The following SPATA32 variants were observed in gnomAD, a reference collection of about 807,000 sequenced individuals.
SPATA32 encodes the protein spermatogenesis associated 32, also known as spermatogenesis-associated protein 32.
A neutral mutation model predicts 35.4 loss-of-function variants in SPATA32; 28 were observed. The ratio of observed to expected loss-of-function variants is 0.79; its 90% CI spans 0.59 to 1.09. The LOEUF is 1.09. Among genes scored for constraint, SPATA32 ranks in the 50% least tolerant of loss-of-function variants. SPATA32 has a pLI of 0.00. For missense variants in SPATA32, 409 were observed against 475.9 expected, an observed-to-expected ratio of 0.86 and a Z score of 1.31; for synonymous variants, 168 against 196.3, an observed-to-expected ratio of 0.86 and a Z score of 1.20.
At position 45,256,332 on chromosome 17, in the gene SPATA32, C is replaced by T. The variant is rs60043385; in HGVS notation, c.108+44G>A. The T allele has an allele frequency of 3.3e-4, 534 of 1,595,788 alleles. No homozygotes were observed. The highest frequency in any genetic ancestry group is 1.8e-3 in the African/African-American group (131 of 74,696). ...GTGGGGACTTAGGGAAGAGCCCTGCCGCTTGCCTACCACCTCCCCGTAAGA... is the reference window on the plus strand; with the variant it reads ...GTGGGGACTTAGGGAAGAGCCCTGCTGCTTGCCTACCACCTCCCCGTAAGA... On this transcript the variant is annotated intron_variant, in intron 3 of 4. Coordinates refer to ENST00000331780, the MANE Select transcript of SPATA32 (RefSeq NM_152343.3). The surrounding 1 kb of genome is among the most constrained non-coding windows in gnomAD (Gnocchi z 4.7).
rs768583152 is a variant in SPATA32 at position 45,255,339 on chromosome 17, C to A, written c.843G>T (p.Leu281=). 6.2e-7 allele frequency: 1 copy of A among 1,614,074 alleles called. No homozygotes were observed. Among genetic ancestry groups the A allele is most frequent in the African/African-American group, 1.3e-5 (1 of 74,930 alleles). Reference sequence around the variant, plus strand: ...CTGGCTCTCGCTCCTCCACAGTGGTCAGGAGGGGCTCTGTGGAAGGCTCCA... The same window carrying A: ...CTGGCTCTCGCTCCTCCACAGTGGTAAGGAGGGGCTCTGTGGAAGGCTCCA... The part of the protein sequence containing the change: ...EALEPSTEPL[L]TTVEEREPEN... Residue 281 remains leucine (L), a synonymous_variant, in exon 4 of 5, where the codon CTG becomes CTT. Transcript: ENST00000331780. This position sits in a 1 kb window ranked among gnomAD's most constrained non-coding sequence, Gnocchi z 5.4.
Position 45,256,243 on chromosome 17 carries a change from T to A in SPATA32, c.108+133A>T, listed in dbSNP as rs987447491. 5 of 1,175,096 alleles carry A rather than the reference T, an allele frequency of 4.3e-6. No individual in the cohort carries two copies. The highest frequency in any genetic ancestry group is 6.3e-6 in the Non-Finnish European group (5 of 791,718). 72.8% of individuals were successfully genotyped at this position (1,175,096 alleles called of 1,614,324 possible). ...CAGAGACCTGCCCGGTGAGGGGGTGTGTGTGTGGGTGTACCCACACCGGCC... is the reference window on the plus strand; with the variant it reads ...CAGAGACCTGCCCGGTGAGGGGGTGAGTGTGTGGGTGTACCCACACCGGCC... On this transcript the variant is annotated intron_variant, in intron 3 of 4. Transcript: ENST00000331780. This position sits in a 1 kb window ranked among gnomAD's most constrained non-coding sequence, Gnocchi z 4.7.
chr17:45,260,294 G>A (rs775238968), intron 1 of SPATA32, among the ~76,000 whole-genome samples: 99 of 151,974 alleles, frequency 6.5e-4, no homozygotes, highest in Middle Eastern at 3.2e-3. Flanking sequence ...TGGCTGCCAC[G>A]GTTCTGCCTG....
intron 1 of SPATA32, among the ~76,000 whole-genome samples, chr17:45,261,460 G>A (rs1202502031): frequency 1.3e-5 from 2 of 152,188 alleles, no homozygotes; most frequent in African/African-American, 4.8e-5. Flanking sequence ...CACCATTTCA[G>A]TGGGGGATCT....
At chr17:45,259,472 AATGTT>A (rs1265245818) in intron 1 of SPATA32, among the ~76,000 whole-genome samples, 26 of 152,174 alleles carry the variant, frequency 1.7e-4, no homozygotes, top group Non-Finnish European at 3.2e-4. Context: ...ACATATGAGT[AATGTT>A]ATATTATTTG....
At position 45,255,658 on chromosome 17, in the gene SPATA32, A is replaced by C; in HGVS notation, c.524T>G (p.Ile175Ser). The change falls in exon 4 of 5, where the codon ATC becomes AGC. Residue 175 changes from isoleucine to serine, a missense_variant. Coordinates refer to ENST00000331780, the MANE Select transcript of SPATA32 (RefSeq NM_152343.3). The surrounding 1 kb of genome is among the most constrained non-coding windows in gnomAD (Gnocchi z 5.4). ...QASEHSLQRA[I>S]NMQLNNGSAG... The stretch of plus-strand genomic sequence containing the variant: ...GCTGCCATTGTTGAGCTGCATGTTG[A>C]TGGCCCGCTGCAGGCTGTGCTCTGA... 6.2e-7 allele frequency: 1 copy of C among 1,613,966 alleles called. No homozygotes were observed. The highest frequency in any genetic ancestry group is 8.5e-7 in the Non-Finnish European group (1 of 1,180,028).
rs35684759 is a variant in SPATA32, at chr17:45,256,480, T to TG, written c.69-66dup. ...GGGGCTTCAGCGGGAAGGGGGTTTCTGGGGCCCTCAAAGCCCTCTGCCTTG... is the reference window on the plus strand; with the variant it reads ...GGGGCTTCAGCGGGAAGGGGGTTTCTGGGGGCCCTCAAAGCCCTCTGCCTTG... On this transcript the variant is annotated intron_variant, in intron 2 of 4. Transcript: ENST00000331780. This position sits in a 1 kb window ranked among gnomAD's most constrained non-coding sequence, Gnocchi z 4.7. 6.9e-7 allele frequency: 1 copy of TG among 1,448,856 alleles called. No homozygotes were observed. Among genetic ancestry groups the TG allele is most frequent in the South Asian group, 1.1e-5 (1 of 87,902 alleles). The allele number at this position is 1,448,856 out of a possible 1,614,324, so 89.8% of individuals were successfully genotyped here. A position where few individuals can be genotyped will look rare whatever the true frequency, so the allele number is the denominator to read the frequency against.
rs773309687 is a variant in SPATA32 at position 45,257,195 on chromosome 17, AATCC to A, written c.22_25del (p.Gly8PhefsTer18). ...CACTGACCCTTTGCCGCAGCATGGA[AATCC>A]ATGGGCACCTGACAGGGGAAAGGAG... On this transcript the variant is annotated frameshift_variant, in exon 2 of 5. Coordinates refer to ENST00000331780, the MANE Select transcript of SPATA32 (RefSeq NM_152343.3). LOFTEE classifies it high-confidence loss of function. The A allele has an allele frequency of 6.2e-7, 1 of 1,612,088 alleles. No individual in the cohort carries two copies. Among genetic ancestry groups the A allele is most frequent in the South Asian group, 1.1e-5 (1 of 90,588 alleles).
chr17:45,258,154 G>A (rs137996453), intron 1 of SPATA32, among the ~76,000 whole-genome samples: 163 of 152,248 alleles, frequency 1.1e-3, no homozygotes, highest in Non-Finnish European at 1.7e-3. Flanking sequence ...AATGTACTGC[G>A]GTCTCTTCCT....
chr17:45,261,693 A>C, intron 1 of SPATA32: 1 of 368,760 alleles, frequency 2.7e-6, no homozygotes, highest in Non-Finnish European at 4.8e-6. Context: ...GCACAAGGCC[A>C]TTGCTCCTTC....
Position 45,255,575 on chromosome 17 carries a change from A to G in SPATA32, c.607T>C (p.Ser203Pro), listed in dbSNP as rs1363526487. The change falls in exon 4 of 5, where the codon TCC (serine) becomes CCC (proline). Residue 203 changes from serine to proline, a missense_variant. By Grantham distance (74) the Ser-to-Pro change is moderately conservative. Coordinates refer to ENST00000331780, the MANE Select transcript of SPATA32 (RefSeq NM_152343.3). The surrounding 1 kb of genome is among the most constrained non-coding windows in gnomAD (Gnocchi z 5.4). Reference sequence around the variant, plus strand: ...TCAGGGATCTGGAGCTGCTCCTCGGAGCACAGGGCGTTGGTGGGGATGGCC... The same window carrying G: ...TCAGGGATCTGGAGCTGCTCCTCGGGGCACAGGGCGTTGGTGGGGATGGCC... ...REAIPTNALC[S>P]EEQLQIPDAH... The G allele has an allele frequency of 6.2e-7, 1 of 1,614,086 alleles. No individual in the cohort carries two copies. The highest frequency in any genetic ancestry group is 1.7e-5 in the Admixed American group (1 of 60,020).
At chr17:45,261,737 T>G (rs558422292) in intron 1 of SPATA32, 18 of 392,768 alleles carry the variant, frequency 4.6e-5, no homozygotes, top group African/African-American at 3.1e-4. Flanking sequence ...AACCACTGAC[T>G]CTGCAGTCCC....
Position 45,256,224 on chromosome 17 carries a change from C to T in SPATA32, c.109-151G>A, listed in dbSNP as rs2043955922. On this transcript the variant is annotated intron_variant, in intron 3 of 4. Transcript: ENST00000331780. The surrounding 1 kb of genome is among the most constrained non-coding windows in gnomAD (Gnocchi z 4.7). ...CCCCATGCCTGCCTCCTCTCAGAGA[C>T]CTGCCCGGTGAGGGGGTGTGTGTGT... 2 of 1,215,180 alleles carry T rather than the reference C, an allele frequency of 1.6e-6. No individual in the cohort carries two copies. The highest frequency in any genetic ancestry group is 2.4e-6 in the Non-Finnish European group (2 of 833,616). 75.3% of individuals were successfully genotyped at this position (1,215,180 alleles called of 1,614,324 possible).
chr17:45,261,676 T>G, intron 1 of SPATA32: 12 of 347,306 alleles, frequency 3.5e-5, no homozygotes, highest in Non-Finnish European at 3.6e-5. Context: ...CATGAGTCGT[T>G]TCCTGTGCAC....
chr17:45,255,280 C>T lies in SPATA32; in HGVS notation c.902G>A (p.Arg301His), dbSNP rs144271763. The change falls in exon 4 of 5, where the codon CGC (arginine) becomes CAC (histidine). Residue 301 changes from arginine (R) to histidine (H), a missense_variant. Transcript: ENST00000331780. The surrounding 1 kb of genome is among the most constrained non-coding windows in gnomAD (Gnocchi z 5.4). The part of the protein sequence containing the change: ...NHAETLPEKP[R>H]EARAPLKSWS... ...AGATTTCAGTGGTGCTCTGGCTTCG[C>T]GTGGTTTCTCTGGCAGGGTCTCTGC... The T allele has an allele frequency of 8.1e-6, 13 of 1,614,184 alleles. No individual in the cohort carries two copies. Among genetic ancestry groups the T allele is most frequent in the African/African-American group, 6.7e-5 (5 of 75,046 alleles).
chr17:45,255,779 T>G lies in SPATA32; in HGVS notation c.403A>C (p.Ser135Arg), dbSNP rs202113750. 1.9e-6 allele frequency: 3 copies of G among 1,613,904 alleles called. No homozygotes were observed. Among genetic ancestry groups the G allele is most frequent in the Admixed American group, 3.3e-5 (2 of 59,990 alleles). Residue 135 changes from serine to arginine, a missense_variant, in exon 4 of 5, where the codon AGT (serine) becomes CGT (arginine). Physicochemically the swap from Ser to Arg is moderately radical, Grantham distance 110. Transcript: ENST00000331780. The surrounding 1 kb of genome is among the most constrained non-coding windows in gnomAD (Gnocchi z 5.4). Reference protein sequence around the residue: ...RPWSLNSNCRSFTEENHVSAC... With the variant: ...RPWSLNSNCRRFTEENHVSAC... ...GACACGTGGTTCTCCTCCGTGAAAC[T>G]CCGGCAGTTTGAATTCAGACTCCAC...
chr17:45,261,096 T>G (rs973880452), intron 1 of SPATA32: 1 of 31,298 alleles, frequency 3.2e-5, no homozygotes, highest in Non-Finnish European at 6.2e-5. Flanking sequence ...CGACCTCTGG[T>G]TTTTTTTTTT....
chr17:45,258,438 A>C (rs933666888), intron 1 of SPATA32, among the ~76,000 whole-genome samples: 2 of 152,010 alleles, frequency 1.3e-5, no homozygotes, highest in Non-Finnish European at 2.9e-5. Flanking sequence ...GGGCAGTTTA[A>C]TCAACACCCA....
Position 45,256,377 on chromosome 17 carries a change from T to C in SPATA32, c.107A>G (p.Glu36Gly). Residue 36 changes from glutamate (E) to glycine (G), a missense_variant and splice_region_variant, in exon 3 of 5, where the codon GAG becomes GGG. By Grantham distance (98) the Glu-to-Gly change is moderately conservative. Coordinates refer to ENST00000331780, the MANE Select transcript of SPATA32 (RefSeq NM_152343.3). The surrounding 1 kb of genome is among the most constrained non-coding windows in gnomAD (Gnocchi z 4.7). Reference protein sequence around the residue: ...LSQHQIQEEQELEADMLEQKP... With the variant: ...LSQHQIQEEQGLEADMLEQKP... The stretch of plus-strand genomic sequence containing the variant: ...GTAAGAGGACACTCCCATTTTTACC[T>C]CCTGTTCCTCTTGTATCTGGTGTTG... 6.2e-7 allele frequency: 1 copy of C among 1,612,476 alleles called. No individual in the cohort carries two copies.
Sources: gnomAD v4.1 joint callset for allele counts (sites outside exome capture counted in the v4.1 genomes callset) on GRCh38, gnomAD v4.1.1 for gene constraint, Gnocchi (gnomAD v3.1) non-coding constraint, MANE v1.5 for transcripts, NCBI Gene and HGNC (gene_info 2026-07-23, HGNC 2026-07-21) for gene names.